Variants in TESPA1 observed in about 807,000 individuals in gnomAD.
The protein encoded by TESPA1 is protein TESPA1.
TESPA1 carries 33 observed loss-of-function variants against 57.9 expected under a neutral mutation model. That is an observed-to-expected ratio of 0.57 (90% CI 0.43 to 0.76). The LOEUF is 0.76. Ranked by LOEUF, TESPA1 falls within the 30% of genes least tolerant of loss-of-function variation. The pLI is 0.00. For synonymous variants in TESPA1, 227 were observed against 228.9 expected (o/e 0.99, Z 0.07); for missense variants, 618 against 632.9 (o/e 0.98, Z 0.25).
intron 10 of TESPA1, among the ~76,000 whole-genome samples, chr12:54,955,052 A>G (rs1418976046): frequency 6.6e-6 from 1 of 152,192 alleles, no homozygotes; most frequent in African/African-American, 2.4e-5. Flanking sequence ...ATTCTTACCA[A>G]CAGTGTACAG....
At chr12:54,953,254 C>T (rs1950507336) in intron 10 of TESPA1, among the ~76,000 whole-genome samples, 1 of 152,096 alleles carries the variant, frequency 6.6e-6, no homozygotes, top group Non-Finnish European at 1.5e-5. Context: ...ACATAGGAGA[C>T]TCTGTTTTAT....
intron 1 of TESPA1, 82 bp from the exon 2 acceptor site, chr12:54,974,689 C>T: frequency 1.9e-6 from 2 of 1,075,508 alleles, no homozygotes; most frequent in Non-Finnish European, 2.5e-6. Flanking sequence ...CTGAATTTTC[C>T]TGTGTCTGCC....
chr12:54,967,120 C>T, intron 5 of TESPA1, 63 bp downstream of exon 5: 2 of 1,587,650 alleles, frequency 1.3e-6, no homozygotes, highest in Non-Finnish European at 8.6e-7. Flanking sequence ...TCCATCCTAT[C>T]CTGAATTCAT....
chr12:54,980,141 A>T (rs190288196), intron 1 of TESPA1, among the ~76,000 whole-genome samples: 59 of 151,386 alleles, frequency 3.9e-4, no homozygotes, highest in Admixed American at 1.4e-3. Flanking sequence ...ATTTGGGATT[A>T]AAAAAAAAGG....
intron 10 of TESPA1, among the ~76,000 whole-genome samples, chr12:54,955,679 T>A (rs1045447561): frequency 1.3e-5 from 2 of 152,262 alleles, no homozygotes; most frequent in Non-Finnish European, 2.9e-5. Flanking sequence ...ATCTGTTTAG[T>A]GGATGTTCTG....
At chr12:54,974,976 T>C (rs1164923828) in intron 1 of TESPA1, among the ~76,000 whole-genome samples, 1 of 152,226 alleles carries the variant, frequency 6.6e-6, no homozygotes, top group Non-Finnish European at 1.5e-5. Flanking sequence ...GAATCTTCCA[T>C]TATGACTAAA....
At chr12:54,958,807 C>CA in intron 10 of TESPA1, among the ~76,000 whole-genome samples, 1 of 152,126 alleles carries the variant, frequency 6.6e-6, no homozygotes, top group African/African-American at 2.4e-5. Context: ...CCAATAAGCC[C>CA]ATCAAAGGCA....
rs537594957 is a variant in TESPA1, at chr12:54,982,899, CTT to C, written c.-46+1684_-46+1685del. Among the ~76,000 whole-genome samples the C allele has an allele frequency of 3.7e-3, 558 of 152,268 alleles. 2 individuals are homozygous for C. The highest frequency in any genetic ancestry group is 0.013 in the African/African-American group (538 of 41,556). On this transcript the variant is annotated intron_variant, in intron 1 of 10. Transcript: ENST00000449076. Reference sequence around the variant, plus strand: ...GTCCCTCTACTTATTTGACTGAACTCTTTTCTCAATCTGAAATCTGTGTTTAG... The same window carrying C: ...GTCCCTCTACTTATTTGACTGAACTCTTCTCAATCTGAAATCTGTGTTTAG...
chr12:54,970,471 C>A (rs1951762520), intron 3 of TESPA1, among the ~76,000 whole-genome samples: 1 of 151,984 alleles, frequency 6.6e-6, no homozygotes, highest in Admixed American at 6.6e-5. Flanking sequence ...TATAATCTGC[C>A]AAGTATTTCT....
intron 5 of TESPA1, 51 bp downstream of exon 5, chr12:54,967,132 C>T (rs1951491782): frequency 6.2e-7 from 1 of 1,601,118 alleles, no homozygotes; most frequent in Admixed American, 1.7e-5. Context: ...TGAATTCATA[C>T]AATGTATATC....
At position 54,962,916 on chromosome 12, in the gene TESPA1, GCTT is replaced by G. The variant is rs750138066; in HGVS notation, c.979_981del (p.Lys327del). Reference sequence around the variant, plus strand: ...AAATCAGAGTCTTGCTGGAGGAACTGCTTCTCTTCTTTCACTTTGTCCATCACT... The same window carrying G: ...AAATCAGAGTCTTGCTGGAGGAACTGCTCTTCTTTCACTTTGTCCATCACT... On this transcript the variant is annotated inframe_deletion, in exon 9 of 11. Coordinates refer to ENST00000449076, the MANE Select transcript of TESPA1 (RefSeq NM_001136030.3). The G allele has an allele frequency of 1.2e-6, 2 of 1,613,672 alleles. No homozygotes were observed. The highest frequency in any genetic ancestry group is 2.7e-5 in the African/African-American group (2 of 75,000).
At chr12:54,969,046 T>TATATATATATATATACATAC (rs71070858) in intron 3 of TESPA1, among the ~76,000 whole-genome samples, 5 of 124,482 alleles carry the variant, frequency 4.0e-5, no homozygotes, top group Non-Finnish European at 7.9e-5. Context: ...TATATATATA[T>TATATATATATATATACATAC]GTGTGTGTGT....
chr12:54,951,677 CTT>C (rs1384479174), intron 10 of TESPA1, among the ~76,000 whole-genome samples: 1 of 152,102 alleles, frequency 6.6e-6, no homozygotes, highest in African/African-American at 2.4e-5. Context: ...ACAATGGTAT[CTT>C]TGCATTTTCC....
chr12:54,967,809 A>G (rs144242964), intron 4 of TESPA1, 34 bp downstream of exon 4: 183 of 1,612,352 alleles, frequency 1.1e-4, no homozygotes, highest in Admixed American at 4.3e-4. Flanking sequence ...CTCTCCAGGT[A>G]GAAGAAAAAT....
At chr12:54,964,436 A>C (rs34239716) in intron 7 of TESPA1, among the ~76,000 whole-genome samples, 26,337 of 152,174 alleles carry the variant, frequency 0.17, 2,628 homozygotes, top group East Asian at 0.29. Context: ...ATCAATAAGC[A>C]CATCCAAAAC....
intron 5 of TESPA1, among the ~76,000 whole-genome samples, chr12:54,966,686 C>A (rs1592371855): frequency 6.6e-6 from 1 of 150,792 alleles, no homozygotes; most frequent in East Asian, 2.0e-4. Flanking sequence ...AAGAGCCCCT[C>A]TGTCCTAAAA....
chr12:54,978,782 G>C (rs1435192117), intron 1 of TESPA1, among the ~76,000 whole-genome samples: 3 of 152,082 alleles, frequency 2.0e-5, no homozygotes, highest in Non-Finnish European at 4.4e-5. Context: ...CCCTTTAAGG[G>C]CCTACTTAAG....
At chr12:54,982,110 A>G (rs1457497948) in intron 1 of TESPA1, among the ~76,000 whole-genome samples, 1 of 152,258 alleles carries the variant, frequency 6.6e-6, no homozygotes, top group African/African-American at 2.4e-5. Context: ...TTCTCTGTTC[A>G]TGAACTGGAC....
At chr12:54,984,347 A>G (rs184552778) in intron 1 of TESPA1, among the ~76,000 whole-genome samples, 1 of 152,194 alleles carries the variant, frequency 6.6e-6, no homozygotes, top group Non-Finnish European at 1.5e-5. Flanking sequence ...AGAATCTAGA[A>G]AGATTACCTC....
Sources: allele counts gnomAD v4.1 joint callset (sites outside exome capture counted in the v4.1 genomes callset), GRCh38; gene constraint gnomAD v4.1.1; transcripts MANE v1.5; gene names NCBI Gene and HGNC (gene_info 2026-07-23, HGNC 2026-07-21).